The following KLRF1 variants were observed in gnomAD, a reference collection of about 807,000 sequenced individuals.
The protein encoded by KLRF1 is killer cell lectin-like receptor subfamily F member 1.
KLRF1 carries 27 observed loss-of-function variants against 30.7 expected under a neutral mutation model. The ratio of observed to expected loss-of-function variants is 0.88; its 90% confidence interval spans 0.65 to 1.21. KLRF1 has a LOEUF of 1.21. Ranked by LOEUF, KLRF1 falls within the 50% of genes most tolerant of loss-of-function variation. The probability of loss-of-function intolerance (pLI) is 0.00; values close to 1 mark genes in which losing one functional copy is unlikely to be tolerated. For synonymous variants in KLRF1, 92 were observed against 89.3 expected, an observed-to-expected ratio of 1.03 and a Z score of -0.17; for missense variants, 246 against 259.3, an observed-to-expected ratio of 0.95 and a Z score of 0.35.
chr12:9,832,237 A>G (rs1867444889), intron 1 of KLRF1, 79 bp from the exon 2 acceptor site: 4 of 772,102 alleles, frequency 5.2e-6, no homozygotes, highest in Non-Finnish European at 8.9e-6. Context: ...ATTTTATACA[A>G]TCCTATTATT....
intron 3 of KLRF1, among the ~76,000 whole-genome samples, chr12:9,837,854 A>G: frequency 6.6e-6 from 1 of 152,170 alleles, no homozygotes; most frequent in East Asian, 1.9e-4. Flanking sequence ...TTGTCTGCTA[A>G]TTCTACAAAT....
chr12:9,835,471 T>A (rs1340973655), intron 3 of KLRF1, among the ~76,000 whole-genome samples: 2 of 151,980 alleles, frequency 1.3e-5, no homozygotes, highest in African/African-American at 2.4e-5. Context: ...ACTGTTATTT[T>A]CGGGGCTGGG....
intron 3 of KLRF1, among the ~76,000 whole-genome samples, chr12:9,839,729 G>A (rs982604274): frequency 6.6e-6 from 1 of 152,090 alleles, no homozygotes; most frequent in Non-Finnish European, 1.5e-5. Context: ...AAGTGTTGGT[G>A]AGGATGTGGA....
At chr12:9,834,905 G>A (rs774859913) in intron 3 of KLRF1, among the ~76,000 whole-genome samples, 8 of 151,970 alleles carry the variant, frequency 5.3e-5, no homozygotes, top group Non-Finnish European at 1.2e-4. Context: ...TGGTTTTGGA[G>A]GATAACTGCA....
the KLRF1 span, among the ~76,000 whole-genome samples, chr12:9,813,289 A>T: frequency 6.6e-6 from 1 of 152,050 alleles, no homozygotes; most frequent in Admixed American, 6.6e-5. Flanking sequence ...TCCTTCCTAA[A>T]AACCTTGTAG....
intron 3 of KLRF1, among the ~76,000 whole-genome samples, chr12:9,835,651 G>A (rs1867559462): frequency 6.6e-6 from 1 of 152,130 alleles, no homozygotes; most frequent in Admixed American, 6.6e-5. Flanking sequence ...GAGCTGGAAG[G>A]CTCCAATTGT....
chr12:9,804,689 G>A, the KLRF1 span, among the ~76,000 whole-genome samples: 3 of 151,936 alleles, frequency 2.0e-5, no homozygotes, highest in Non-Finnish European at 4.4e-5. Flanking sequence ...ATACTTCTCT[G>A]AGAGTAGATA....
the KLRF1 span, among the ~76,000 whole-genome samples, chr12:9,812,368 A>G: frequency 6.0e-4 from 2 of 3,326 alleles, no homozygotes; most frequent in African/African-American, 7.4e-4. Flanking sequence ...CCGTCTCAGG[A>G]AAAAAAAAAA....
intron 3 of KLRF1, among the ~76,000 whole-genome samples, chr12:9,839,439 A>G (rs1414227904): frequency 1.3e-5 from 2 of 152,098 alleles, no homozygotes; most frequent in Non-Finnish European, 2.9e-5. Flanking sequence ...TCGTTCTAAC[A>G]TGTCAAATGG....
chr12:9,833,469 T>C lies in KLRF1; in HGVS notation c.334+17T>C. 6.4e-7 allele frequency: 1 copy of C among 1,572,386 alleles called. No homozygotes were observed. Among genetic ancestry groups the C allele is most frequent in the Non-Finnish European group, 8.6e-7 (1 of 1,164,516 alleles). On this transcript the variant is annotated intron_variant, in intron 3 of 5. Coordinates refer to ENST00000617889, the MANE Select transcript of KLRF1 (RefSeq NM_016523.3). The stretch of plus-strand genomic sequence containing the variant: ...ACCAGACAGGTATGTCTCAAGGCTT[T>C]GGCTTATCCTAGTTTTAATCTTTTG...
At chr12:9,811,392 A>T in the KLRF1 span, among the ~76,000 whole-genome samples, 4 of 150,426 alleles carry the variant, frequency 2.7e-5, no homozygotes, top group African/African-American at 4.9e-5. Context: ...GGCTGGTAAC[A>T]TCTTTATTCC....
chr12:9,826,125 A>T (rs115105835), upstream of KLRF1, among the ~76,000 whole-genome samples: 1,722 of 152,216 alleles, frequency 0.011, 31 homozygotes, highest in African/African-American at 0.039. Flanking sequence ...TGTTTTTAAA[A>T]TTTTATTTTA....
In KLRF1 at chr12:9,844,662, C is replaced by T. The variant is rs559066338; in HGVS notation, c.*136C>T. ...CTCTTCTCCCTTCTCCCTCCATCAT[C>T]GACACTGGTCTAGCCTCAGAGTAAC... On this transcript the variant is annotated 3_prime_UTR_variant, in exon 6 of 6. Coordinates refer to ENST00000617889, the MANE Select transcript of KLRF1 (RefSeq NM_016523.3). 386 of 560,006 alleles carry T rather than the reference C, an allele frequency of 6.9e-4. 1 individual carries two copies. The highest frequency in any genetic ancestry group is 1.1e-3 in the Non-Finnish European group (331 of 310,654). The allele number at this position is 560,006 out of a possible 1,614,324, so 34.7% of individuals were successfully genotyped here. A position where few individuals can be genotyped will look rare whatever the true frequency, so the allele number is the denominator to read the frequency against.
At chr12:9,805,955 A>G in the KLRF1 span, among the ~76,000 whole-genome samples, 2 of 151,738 alleles carry the variant, frequency 1.3e-5, no homozygotes, top group Non-Finnish European at 2.9e-5. Context: ...GAGTTTGTTG[A>G]TATCTTCAAA....
chr12:9,808,895 T>C, the KLRF1 span, among the ~76,000 whole-genome samples: 1 of 152,158 alleles, frequency 6.6e-6, no homozygotes, highest in East Asian at 1.9e-4. Flanking sequence ...AATATCTACA[T>C]GAAAGCAGTG....
chr12:9,825,348 A>G (rs911491015), upstream of KLRF1, among the ~76,000 whole-genome samples: 4 of 152,130 alleles, frequency 2.6e-5, no homozygotes, highest in Non-Finnish European at 5.9e-5. Flanking sequence ...AAGCCCAGAA[A>G]TAGTGCTGCA....
At chr12:9,835,153 C>T (rs779303816) in intron 3 of KLRF1, among the ~76,000 whole-genome samples, 105 of 152,144 alleles carry the variant, frequency 6.9e-4, no homozygotes, top group Non-Finnish European at 6.5e-4. Context: ...CTCTTCGGTC[C>T]TATTTGCAAA....
the KLRF1 span, chr12:9,817,724 C>T: frequency 4.7e-6 from 1 of 214,576 alleles, no homozygotes; most frequent in Non-Finnish European, 1.0e-5. Flanking sequence ...GTCTTTTCCT[C>T]AGTCACCCCA....
chr12:9,842,063 G>A (rs886374985), intron 4 of KLRF1, 112 bp downstream of exon 4: 3 of 1,235,954 alleles, frequency 2.4e-6, no homozygotes, highest in Non-Finnish European at 3.4e-6. Context: ...TCGAGTTTTG[G>A]GCACCCTCTT....
Sources: allele counts gnomAD v4.1 joint callset (sites outside exome capture counted in the v4.1 genomes callset), GRCh38; gene constraint gnomAD v4.1.1; transcripts MANE v1.5; gene names NCBI Gene and HGNC (gene_info 2026-07-23, HGNC 2026-07-21).